Variants in MON2 observed in about 807,000 individuals in gnomAD.
MON2 encodes MON2 regulator of endosome-to-Golgi trafficking, also known as protein MON2 homolog.
A neutral mutation model predicts 208.6 loss-of-function variants in MON2; 84 were observed. That is an observed-to-expected ratio of 0.40 (90% CI 0.34 to 0.48). The LOEUF is 0.48. MON2 is among the 20% of genes least tolerant of loss of function. The pLI, the probability that MON2 is intolerant of heterozygous loss-of-function variation, is 0.59. For missense variants in MON2, 1,611 were observed against 2,015.4 expected, an observed-to-expected ratio of 0.80 and a Z score of 3.84; for synonymous variants, 660 against 694.0, an observed-to-expected ratio of 0.95 and a Z score of 0.77.
Position 62,593,849 on chromosome 12 carries a change from G to A in MON2, c.*1100G>A, listed in dbSNP as rs898764934. 1.3e-4 allele frequency: 20 copies of A among 152,082 alleles called. No individual in the cohort carries two copies. The highest frequency in any genetic ancestry group is 4.3e-4 in the African/African-American group (18 of 41,438). The allele number at this position is 152,082 out of a possible 1,614,324, so 9.4% of individuals were successfully genotyped here. ...GAAAAATACCTATGTTAACTCACAA[G>A]TATAAAATATGTGTGTATTATAAAA... is the stretch of plus-strand genomic sequence containing the variant. On this transcript the variant is annotated 3_prime_UTR_variant, in exon 35 of 35. Coordinates refer to ENST00000393630, the MANE Select transcript of MON2 (RefSeq NM_015026.3).
chr12:62,507,094 T>C (rs2071140717), intron 7 of MON2, among the ~76,000 whole-genome samples: 1 of 152,226 alleles, frequency 6.6e-6, no homozygotes, highest in Non-Finnish European at 1.5e-5. Flanking sequence ...GCATGTTTTA[T>C]CAGCTCATCA....
At chr12:62,588,238 A>AC in intron 34 of MON2, 82 bp downstream of exon 34, 1 of 959,666 alleles carries the variant, frequency 1.0e-6, no homozygotes, top group Non-Finnish European at 1.6e-6. Context: ...AATTTAACTG[A>AC]ATTATAGGAA....
rs187312472 is a variant in MON2 at position 62,553,178 on chromosome 12, T to G, written c.3210+4T>G. The G allele has an allele frequency of 2.7e-4, 433 of 1,611,542 alleles. No individual in the cohort carries two copies. The highest frequency in any genetic ancestry group is 3.5e-4 in the Non-Finnish European group (409 of 1,177,790). On this transcript the variant is annotated splice_donor_region_variant and intron_variant, in intron 24 of 34. Coordinates refer to ENST00000393630, the MANE Select transcript of MON2 (RefSeq NM_015026.3). ...CTGGCACACTGTTATCTGGAAGGTA[T>G]TGTAAAATAGATTGGACTATCAGCT...
At chr12:62,563,509 T>C (rs563198024) in intron 26 of MON2, among the ~76,000 whole-genome samples, 64 of 152,274 alleles carry the variant, frequency 4.2e-4, no homozygotes, top group Non-Finnish European at 7.9e-4. Context: ...ATTATCTAGA[T>C]TGCTTATCAG....
chr12:62,483,823 A>C (rs2069596763), intron 1 of MON2, among the ~76,000 whole-genome samples: 1 of 152,148 alleles, frequency 6.6e-6, no homozygotes, highest in African/African-American at 2.4e-5. Flanking sequence ...GGGGAAAAGG[A>C]GCCTAATTAT....
chr12:62,484,339 A>G, intron 2 of MON2, 106 bp downstream of exon 2: 1 of 683,646 alleles, frequency 1.5e-6, no homozygotes, highest in Non-Finnish European at 2.5e-6. Context: ...TCTCTTCCTC[A>G]TGCCCTAACA....
chr12:62,545,151 C>A (rs1276251582), intron 21 of MON2, 143 bp downstream of exon 21: 2 of 511,844 alleles, frequency 3.9e-6, no homozygotes, highest in East Asian at 6.5e-5. Context: ...GGCCCTGAAT[C>A]TCTTACATAA....
intron 20 of MON2, among the ~76,000 whole-genome samples, chr12:62,544,264 G>C (rs1397080893): frequency 6.6e-6 from 1 of 152,038 alleles, no homozygotes; most frequent in African/African-American, 2.4e-5. Context: ...GGGCAACATA[G>C]GGAGACACCA....
intron 30 of MON2, among the ~76,000 whole-genome samples, chr12:62,577,847 G>A (rs551047411): frequency 6.6e-6 from 1 of 151,948 alleles, no homozygotes; most frequent in African/African-American, 2.4e-5. Context: ...CCATTTTACT[G>A]TTCACTCTTA....
At chr12:62,583,082 C>G (rs1427488467) in intron 32 of MON2, among the ~76,000 whole-genome samples, 1 of 152,122 alleles carries the variant, frequency 6.6e-6, no homozygotes, top group Non-Finnish European at 1.5e-5. Flanking sequence ...CCTGTATTCC[C>G]AGCATTTGGG....
intron 8 of MON2, among the ~76,000 whole-genome samples, chr12:62,519,123 TAATA>T (rs2071864603): frequency 6.6e-6 from 1 of 152,218 alleles, no homozygotes; most frequent in Non-Finnish European, 1.5e-5. Flanking sequence ...AGTGGTCATT[TAATA>T]AATAACCATG....
intron 8 of MON2, chr12:62,508,686 A>G: frequency 2.0e-6 from 1 of 499,894 alleles, no homozygotes; most frequent in South Asian, 3.1e-5. Context: ...TAATGTGTGA[A>G]GCAGAGTCAT....
intron 31 of MON2, 72 bp downstream of exon 31, chr12:62,578,577 C>A: frequency 1.1e-6 from 1 of 940,008 alleles, no homozygotes; most frequent in Non-Finnish European, 1.6e-6. Context: ...TTGAACTATA[C>A]AGTTGCTGAA....
intron 5 of MON2, 63 bp from the exon 6 acceptor site, chr12:62,500,720 C>A: frequency 1.4e-6 from 1 of 719,306 alleles, no homozygotes; most frequent in Non-Finnish European, 2.3e-6. Flanking sequence ...ATCTTTTAAA[C>A]AGAATATATA....
At chr12:62,490,966 C>A (rs1473310422) in intron 2 of MON2, among the ~76,000 whole-genome samples, 2 of 152,110 alleles carry the variant, frequency 1.3e-5, no homozygotes, top group South Asian at 2.1e-4. Context: ...CACCTTTTAA[C>A]ATCCCCTGAT....
chr12:62,525,885 A>C, intron 10 of MON2, 64 bp from the exon 11 acceptor site: 1 of 1,501,064 alleles, frequency 6.7e-7, no homozygotes, highest in Non-Finnish European at 9.1e-7. Context: ...GTGTTTGACT[A>C]TTACTGATTT....
chr12:62,525,282 C>T (rs1236306264), intron 10 of MON2, 62 bp downstream of exon 10: 90 of 1,531,470 alleles, frequency 5.9e-5, no homozygotes, highest in Non-Finnish European at 7.9e-5. Flanking sequence ...ATTGACTGTT[C>T]TGAGAGGATA....
intron 34 of MON2, among the ~76,000 whole-genome samples, chr12:62,590,054 T>C (rs923859982): frequency 2.6e-5 from 4 of 152,120 alleles, no homozygotes; most frequent in African/African-American, 9.7e-5. Context: ...TGAGAGAAGA[T>C]GCATTTGTTA....
chr12:62,512,876 A>G (rs1301054465), intron 8 of MON2, among the ~76,000 whole-genome samples: 1 of 152,184 alleles, frequency 6.6e-6, no homozygotes, highest in African/African-American at 2.4e-5. Context: ...CCAAACCTCA[A>G]TTCTTGACTT....
Sources: gnomAD v4.1 joint callset for allele counts (sites outside exome capture counted in the v4.1 genomes callset) on GRCh38, gnomAD v4.1.1 for gene constraint, MANE v1.5 for transcripts, NCBI Gene and HGNC (gene_info 2026-07-23, HGNC 2026-07-21) for gene names.